PIK3CD: variants seen among roughly 807,000 people sequenced by gnomAD.
PIK3CD encodes phosphatidylinositol 4,5-bisphosphate 3-kinase catalytic subunit delta isoform.
PIK3CD carries 20 observed loss-of-function variants against 122.9 expected under a neutral mutation model. That is an observed-to-expected ratio of 0.16 (90% confidence interval 0.11 to 0.24). PIK3CD has a LOEUF of 0.24. Among genes scored for constraint, PIK3CD ranks in the 10% least tolerant of loss-of-function variants. The pLI is 1.00. For synonymous variants in PIK3CD, 596 were observed against 593.4 expected (o/e 1.00, Z -0.06); for missense variants, 787 against 1,406.3 (o/e 0.56, Z 7.04).
chr1:9,639,403 C>T, the PIK3CD span, among the ~76,000 whole-genome samples: 1 of 152,118 alleles, frequency 6.6e-6, no homozygotes, highest in Non-Finnish European at 1.5e-5. Flanking sequence ...TGAGCACCCC[C>T]GAGAGGGTAA....
chr1:9,663,490 T>C (rs56153814), intron 1 of PIK3CD, among the ~76,000 whole-genome samples: 32,144 of 152,148 alleles, frequency 0.21, 4,864 homozygotes, highest in East Asian at 0.56. Context: ...GATATCTACC[T>C]GTTGATTCCT....
At chr1:9,726,872 C>T (rs1468424913) in intron 23 of PIK3CD, 37 bp from the exon 24 acceptor site, 3 of 1,613,216 alleles carry the variant, frequency 1.9e-6, no homozygotes, top group Non-Finnish European at 2.5e-6. Flanking sequence ...AAGGTCCGGG[C>T]CCCCTTAACG....
chr1:9,698,390 C>T (rs111865113), intron 2 of PIK3CD, among the ~76,000 whole-genome samples: 3 of 152,228 alleles, frequency 2.0e-5, no homozygotes, highest in African/African-American at 7.2e-5. Context: ...GATCCACCTG[C>T]CTCAGCCTCC....
the PIK3CD span, among the ~76,000 whole-genome samples, chr1:9,637,506 A>G: frequency 1.3e-5 from 2 of 151,944 alleles, no homozygotes. Context: ...ACAGAGCAAG[A>G]CCCTATCTTA....
chr1:9,630,739 T>TGTGTGCGCGC, the PIK3CD span, among the ~76,000 whole-genome samples: 33 of 150,964 alleles, frequency 2.2e-4, no homozygotes, highest in East Asian at 3.6e-3. Flanking sequence ...TGTGTGTGTG[T>TGTGTGCGCGC]GCAGAAGAGG....
At chr1:9,695,969 T>A in intron 2 of PIK3CD, among the ~76,000 whole-genome samples, 1 of 148,092 alleles carries the variant, frequency 6.8e-6, no homozygotes. Context: ...AAAAGTACAT[T>A]AAAGACTTTT....
the PIK3CD span, among the ~76,000 whole-genome samples, chr1:9,643,754 TA>T: frequency 6.6e-6 from 1 of 152,178 alleles, no homozygotes; most frequent in Non-Finnish European, 1.5e-5. Flanking sequence ...AGCAGAGGCA[TA>T]GAGAGGTTAA....
intron 3 of PIK3CD, among the ~76,000 whole-genome samples, chr1:9,713,646 A>G (rs1435134403): frequency 6.6e-6 from 1 of 152,144 alleles, no homozygotes; most frequent in Non-Finnish European, 1.5e-5. Context: ...GCTGGAATGC[A>G]GTGGCATAAT....
the PIK3CD span, among the ~76,000 whole-genome samples, chr1:9,630,195 A>T: frequency 6.6e-6 from 1 of 152,180 alleles, no homozygotes; most frequent in Non-Finnish European, 1.5e-5. Flanking sequence ...CTGTCTGGTG[A>T]TACCAGGGGC....
At position 9,710,894 on chromosome 1, in the gene PIK3CD, T is replaced by G. The variant is rs973168240; in HGVS notation, c.141+298T>G. Among the ~76,000 whole-genome samples the G allele has an allele frequency of 7.9e-5, 12 of 152,188 alleles. No individual in the cohort carries two copies. The highest frequency in any genetic ancestry group is 6.5e-4 in the Admixed American group (10 of 15,268). ...TCCAACTCCCGGGTTCAAGAGATTC[T>G]TCCGCCTCAGCCTCCTGAGTAGCTG... is the stretch of plus-strand genomic sequence containing the variant. On this transcript the variant is annotated intron_variant, in intron 3 of 23. Coordinates refer to ENST00000377346, the MANE Select transcript of PIK3CD (RefSeq NM_005026.5). The surrounding 1 kb of genome is among the most constrained non-coding windows in gnomAD (Gnocchi z 4.7).
chr1:9,627,265 G>A, the PIK3CD span, among the ~76,000 whole-genome samples: 1 of 152,246 alleles, frequency 6.6e-6, no homozygotes, highest in African/African-American at 2.4e-5. Flanking sequence ...CGGGGGAGAC[G>A]CCGGCTGGGC....
intron 1 of PIK3CD, among the ~76,000 whole-genome samples, chr1:9,654,765 GA>G (rs2100728672): frequency 6.6e-6 from 1 of 152,302 alleles, no homozygotes; most frequent in Admixed American, 6.5e-5. Context: ...GGGACCTTCA[GA>G]AGGCTCTTTC....
chr1:9,695,966 C>T (rs1241552616), intron 2 of PIK3CD, among the ~76,000 whole-genome samples: 2 of 147,802 alleles, frequency 1.4e-5, no homozygotes, highest in Admixed American at 6.7e-5. Context: ...ATAAAAAGTA[C>T]ATTAAAGACT....
intron 6 of PIK3CD, among the ~76,000 whole-genome samples, 168 bp from the exon 7 acceptor site, chr1:9,716,791 G>A (rs969520821): frequency 5.3e-5 from 8 of 152,216 alleles, no homozygotes; most frequent in African/African-American, 1.9e-4. Context: ...CACAAGGAGG[G>A]GCTCCGTCTT....
At chr1:9,648,242 T>A (rs1441474865), upstream of PIK3CD, among the ~76,000 whole-genome samples, 1 of 152,180 alleles carries the variant, frequency 6.6e-6, no homozygotes, top group East Asian at 1.9e-4. Context: ...GTTTCCTTCA[T>A]GGGGATCAAA....
chr1:9,678,245 A>G (rs891325678), intron 1 of PIK3CD, among the ~76,000 whole-genome samples: 4 of 152,050 alleles, frequency 2.6e-5, no homozygotes, highest in Non-Finnish European at 4.4e-5. Context: ...AAGAGGATCA[A>G]TTGAGACCAA....
chr1:9,724,598 G>A lies in PIK3CD; in HGVS notation c.2864+177G>A, dbSNP rs1420874805. Among the ~76,000 whole-genome samples the A allele has an allele frequency of 1.3e-5, 2 of 152,226 alleles. No homozygotes were observed. The highest frequency in any genetic ancestry group is 1.9e-4 in the East Asian group (1 of 5,192). On this transcript the variant is annotated intron_variant, in intron 22 of 23. Coordinates refer to ENST00000377346, the MANE Select transcript of PIK3CD (RefSeq NM_005026.5). The surrounding 1 kb of genome is among the most constrained non-coding windows in gnomAD (Gnocchi z 7.3). Reference sequence around the variant, plus strand: ...TGCTCCACCCTGCAGTGCCCCTTTTGGGCAATGTGGGCAGGTTTGTGGGTC... The same window carrying A: ...TGCTCCACCCTGCAGTGCCCCTTTTAGGCAATGTGGGCAGGTTTGTGGGTC...
chr1:9,654,188 C>T, intron 1 of PIK3CD: 3 of 1,360,466 alleles, frequency 2.2e-6, no homozygotes, highest in Non-Finnish European at 3.0e-6. Flanking sequence ...ACATTGGCCA[C>T]ACTACTCACT....
the PIK3CD span, among the ~76,000 whole-genome samples, chr1:9,644,088 T>G: frequency 6.6e-6 from 1 of 152,174 alleles, no homozygotes; most frequent in South Asian, 2.1e-4. Flanking sequence ...CATGCGTGGG[T>G]GGTGGTGGTG....
Sources: gnomAD v4.1 joint callset for allele counts (sites outside exome capture counted in the v4.1 genomes callset) on GRCh38, gnomAD v4.1.1 for gene constraint, Gnocchi (gnomAD v3.1) non-coding constraint, MANE v1.5 for transcripts, NCBI Gene and HGNC (gene_info 2026-07-23, HGNC 2026-07-21) for gene names.